SASH1: variants seen among roughly 807,000 people sequenced by gnomAD.
The protein encoded by SASH1 is SAM and SH3 domain containing 1, also known as SAM and SH3 domain-containing protein 1.
SASH1 carries 44 observed loss-of-function variants against 125.2 expected under a neutral mutation model. That is an observed-to-expected ratio of 0.35 (90% CI 0.28 to 0.45). The LOEUF (loss-of-function observed/expected upper bound fraction) is 0.45. Among genes scored for constraint, SASH1 ranks in the 20% least tolerant of loss-of-function variants. SASH1 has a pLI of 1.00. For missense variants in SASH1, 1,426 were observed against 1,614.5 expected (o/e 0.88, Z 2.00); for synonymous variants, 639 against 649.1 (o/e 0.98, Z 0.24).
At chr6:148,365,772 G>A (rs747948084) in intron 1 of SASH1, among the ~76,000 whole-genome samples, 1 of 151,594 alleles carries the variant, frequency 6.6e-6, no homozygotes, top group Non-Finnish European at 1.5e-5. Flanking sequence ...TCAGGAGTTC[G>A]AGACCAGCTT....
intron 7 of SASH1, 21 bp from the exon 8 acceptor site, chr6:148,487,593 A>G (rs185755992): frequency 1.3e-6 from 2 of 1,579,422 alleles, no homozygotes; most frequent in African/African-American, 2.7e-5. Flanking sequence ...CCATTTCAGT[A>G]TCCATTTCTT....
chr6:148,541,707 G>GCACT (rs1008851878), intron 17 of SASH1, among the ~76,000 whole-genome samples: 1 of 152,146 alleles, frequency 6.6e-6, no homozygotes, highest in African/African-American at 2.4e-5. Context: ...TACCAGCCCT[G>GCACT]CACTCACATG....
chr6:148,335,003 A>G (rs983740852), intron 1 of SASH1, among the ~76,000 whole-genome samples: 41 of 149,294 alleles, frequency 2.7e-4, no homozygotes, highest in Non-Finnish European at 5.4e-4. Flanking sequence ...AAGAAAAGAA[A>G]AAAAGAATTT....
At position 148,311,541 on chromosome 6, in the gene SASH1, C is replaced by T. The variant is rs530404236; in HGVS notation, n.74+39164C>T. ...CCTGTCAGCCAGATGTGGTGGCTAA[C>T]GCCTGTAATCCCAACACTTTGGGAG... On this transcript the variant is annotated intron_variant and non_coding_transcript_variant, in intron 1 of 3. Coordinates refer to the SASH1 transcript ENST00000367469. Among the ~76,000 whole-genome samples the T allele has an allele frequency of 1.9e-3, 293 of 152,286 alleles. 1 individual carries two copies. The highest frequency in any genetic ancestry group is 3.4e-3 in the Middle Eastern group (1 of 294).
At chr6:148,523,462 T>G (rs368203719) in intron 10 of SASH1, among the ~76,000 whole-genome samples, 1 of 152,358 alleles carries the variant, frequency 6.6e-6, no homozygotes, top group African/African-American at 2.4e-5. Context: ...AGAATAGATA[T>G]AGGTCCAGTT....
intron 4 of SASH1, 175 bp downstream of exon 4, chr6:148,440,582 G>A: frequency 1.7e-6 from 1 of 603,216 alleles, no homozygotes; most frequent in Non-Finnish European, 2.9e-6. Flanking sequence ...AGTGTGTTTT[G>A]TAATGCAGTT....
the SASH1 span, among the ~76,000 whole-genome samples, chr6:148,227,451 G>A: frequency 2.6e-5 from 4 of 152,090 alleles, no homozygotes; most frequent in Admixed American, 6.6e-5. Flanking sequence ...TCCGCCTCCC[G>A]AGTTCAAGCA....
At chr6:148,206,734 G>A in the SASH1 span, among the ~76,000 whole-genome samples, 1 of 151,338 alleles carries the variant, frequency 6.6e-6, no homozygotes, top group African/African-American at 2.4e-5. Flanking sequence ...AGGTTGCAGT[G>A]AGCCAAGACC....
chr6:148,428,560 C>T lies in SASH1; in HGVS notation c.286-11624C>T, dbSNP rs138221129. Among the ~76,000 whole-genome samples, 263 of 137,650 alleles carry T rather than the reference C, an allele frequency of 1.9e-3. 11 individuals carry two copies. In the East Asian group the frequency reaches 0.043, roughly 23 times the overall value. The allele number at this position is 137,650 out of a possible 152,430, so 90.3% of individuals were successfully genotyped here. On this transcript the variant is annotated intron_variant, in intron 2 of 19. Coordinates refer to ENST00000367467, the MANE Select transcript of SASH1 (RefSeq NM_015278.5). ...AGGAGAATTGCTTGAACCTGAGAGG[C>T]GGAGGTTGCAGTGAGCTGAGATGGC...
At position 148,532,326 on chromosome 6, in the gene SASH1, C is replaced by T. The variant is rs1300838568; in HGVS notation, c.1565-471C>T. Among the ~76,000 whole-genome samples, 4 of 152,168 alleles carry T rather than the reference C, an allele frequency of 2.6e-5. No homozygotes were observed. Among genetic ancestry groups the T allele is most frequent in the Non-Finnish European group, 5.9e-5 (4 of 68,026 alleles). Reference sequence around the variant, plus strand: ...CAAGCGATCTGCCCACCTCGGCCTCCTAAAGTGCTGGGATTATAGGCGTGA... The same window carrying T: ...CAAGCGATCTGCCCACCTCGGCCTCTTAAAGTGCTGGGATTATAGGCGTGA... On this transcript the variant is annotated intron_variant, in intron 13 of 19. Transcript: ENST00000367467. This position sits in a 1 kb window ranked among gnomAD's most constrained non-coding sequence, Gnocchi z 4.7.
In SASH1 at chr6:148,316,055, C is replaced by T. The variant is rs148939420; in HGVS notation, n.74+43678C>T. 6.5e-4 allele frequency among the ~76,000 whole-genome samples: 99 copies of T among 152,268 alleles called. 1 individual carries two copies. Among genetic ancestry groups the T allele is most frequent in the African/African-American group, 2.3e-3 (96 of 41,552 alleles). Reference sequence around the variant, plus strand: ...TTTGTTCATTGATTTCCTGGAGCACCAATGTTTTGAAAATAGAATCAAAAC... The same window carrying T: ...TTTGTTCATTGATTTCCTGGAGCACTAATGTTTTGAAAATAGAATCAAAAC... On this transcript the variant is annotated intron_variant and non_coding_transcript_variant, in intron 1 of 3. Transcript: ENST00000367469.
intron 4 of SASH1, among the ~76,000 whole-genome samples, chr6:148,446,848 C>T (rs1420836226): frequency 6.6e-6 from 1 of 152,202 alleles, no homozygotes; most frequent in East Asian, 1.9e-4. Flanking sequence ...CAGGGCCACA[C>T]ACTTACTAAG....
chr6:148,215,825 G>A, the SASH1 span, among the ~76,000 whole-genome samples: 1 of 151,954 alleles, frequency 6.6e-6, no homozygotes, highest in Non-Finnish European at 1.5e-5. Context: ...GACAGAGCTA[G>A]CAGAAATATC....
intron 2 of SASH1, among the ~76,000 whole-genome samples, chr6:148,409,407 GT>G (rs1784524238): frequency 6.6e-6 from 1 of 152,164 alleles, no homozygotes; most frequent in Non-Finnish European, 1.5e-5. Flanking sequence ...ATTCAGTTTT[GT>G]TTTCTTGAAA....
chr6:148,275,281 C>G (rs1033554814), intron 1 of SASH1, among the ~76,000 whole-genome samples: 8 of 151,990 alleles, frequency 5.3e-5, no homozygotes, highest in Non-Finnish European at 8.8e-5. Context: ...CATTCTTGGC[C>G]CTGGACATCA....
intron 9 of SASH1, among the ~76,000 whole-genome samples, chr6:148,515,731 C>G (rs1161104990): frequency 1.3e-5 from 2 of 152,292 alleles, no homozygotes; most frequent in South Asian, 2.1e-4. Context: ...TGAATGTACC[C>G]TGTGGCGGCC....
At chr6:148,480,437 T>C (rs185120197) in intron 7 of SASH1, 6 of 151,974 alleles carry the variant, frequency 3.9e-5, no homozygotes, top group African/African-American at 1.2e-4. Flanking sequence ...CCTCAGAGGG[T>C]GTGATAGGAC....
upstream of SASH1, among the ~76,000 whole-genome samples, chr6:148,270,973 G>A (rs1426431202): frequency 5.4e-5 from 8 of 147,794 alleles, no homozygotes; most frequent in African/African-American, 2.0e-4. Flanking sequence ...GCAGCGGCAC[G>A]ATCTTGGCTC....
chr6:148,401,873 T>C (rs780531964), intron 2 of SASH1, among the ~76,000 whole-genome samples: 6 of 152,190 alleles, frequency 3.9e-5, no homozygotes, highest in Non-Finnish European at 8.8e-5. Context: ...GATTTTCATC[T>C]GTGATTTCAA....
Sources: gnomAD v4.1 joint callset for allele counts (sites outside exome capture counted in the v4.1 genomes callset) on GRCh38, gnomAD v4.1.1 for gene constraint, Gnocchi (gnomAD v3.1) non-coding constraint, MANE v1.5 for transcripts, NCBI Gene and HGNC (gene_info 2026-07-23, HGNC 2026-07-21) for gene names.